KCNT1: variants seen among roughly 807,000 people sequenced by gnomAD.
KCNT1 encodes potassium channel subfamily T member 1.
KCNT1 carries 78 observed loss-of-function variants against 147.8 expected under a neutral mutation model. The ratio of observed to expected loss-of-function variants is 0.53; its 90% CI spans 0.44 to 0.64. The LOEUF is 0.64. KCNT1 is among the 30% of genes least tolerant of loss of function. KCNT1 has a pLI of 0.00. For synonymous variants in KCNT1, 867 were observed against 748.8 expected (o/e 1.16, Z -2.58); for missense variants, 1,419 against 1,750.3 (o/e 0.81, Z 3.38).
rs750766789 is a variant in KCNT1, at chr9:135,752,304, C to T, written c.434+1263C>T. 1.5e-4 allele frequency: 70 copies of T among 453,092 alleles called. No homozygotes were observed. The highest frequency in any genetic ancestry group is 2.5e-4 in the Non-Finnish European group (56 of 225,758). The allele number at this position is 453,092 out of a possible 1,614,324, so 28.1% of individuals were successfully genotyped here. A position where few individuals can be genotyped will look rare whatever the true frequency, so the allele number is the denominator to read the frequency against. ...CAATCCCCCTTTTCACCTGTTACCCCGTCACAAGGGGGCCTGGCATCCCCA... is the reference window on the plus strand; with the variant it reads ...CAATCCCCCTTTTCACCTGTTACCCTGTCACAAGGGGGCCTGGCATCCCCA... On this transcript the variant is annotated intron_variant, in intron 4 of 30. Coordinates refer to ENST00000371757, the MANE Select transcript of KCNT1 (RefSeq NM_020822.3). This position sits in a 1 kb window ranked among gnomAD's most constrained non-coding sequence, Gnocchi z 5.1.
chr9:135,778,915 C>A, intron 23 of KCNT1, 93 bp downstream of exon 23: 1 of 1,462,184 alleles, frequency 6.8e-7, no homozygotes, highest in Non-Finnish European at 9.2e-7. Flanking sequence ...GACCACGGGC[C>A]CTCGCCCTGA....
chr9:135,705,571 G>A (rs1056412710), intron 1 of KCNT1, among the ~76,000 whole-genome samples: 2 of 152,354 alleles, frequency 1.3e-5, no homozygotes, highest in East Asian at 3.9e-4. Context: ...TGGGCTCAGC[G>A]TGCCCGTGCT....
Position 135,772,884 on chromosome 9 carries a change from C to A in KCNT1, c.2178C>A (p.Asp726Glu). Residue 726 changes from aspartate (D) to glutamate (E), a missense_variant, in exon 19 of 31, where the codon GAC becomes GAA. Around this residue, in one of 5 missense-constraint regions of KCNT1, gnomAD observed 284 missense variants for 292.8 expected, o/e 0.97. Coordinates refer to ENST00000371757, the MANE Select transcript of KCNT1 (RefSeq NM_020822.3). ...LADSSALLPC[D>E]LLSDQSEDEV... is the part of the protein sequence containing the mutation. Reference sequence around the variant, plus strand: ...ACAGCTCAGCCCTGCTGCCCTGCGACCTGCTGAGCGACCAGTCGGAGGATG... The same window carrying A: ...ACAGCTCAGCCCTGCTGCCCTGCGAACTGCTGAGCGACCAGTCGGAGGATG... 1.3e-6 allele frequency: 2 copies of A among 1,561,204 alleles called. No homozygotes were observed. Among genetic ancestry groups the A allele is most frequent in the Middle Eastern group, 1.7e-4 (1 of 5,918 alleles).
At chr9:135,765,232 TC>T in intron 12 of KCNT1, 37 bp downstream of exon 12, 5 of 1,587,046 alleles carry the variant, frequency 3.2e-6, no homozygotes, top group Non-Finnish European at 4.3e-6. Context: ...GACGACTCCC[TC>T]CCGGCCCCTA....
chr9:135,768,244 G>C (rs1367588017), intron 13 of KCNT1, among the ~76,000 whole-genome samples: 8 of 38,656 alleles, frequency 2.1e-4, no homozygotes, highest in Non-Finnish European at 2.9e-4. Context: ...TGCCTGCGGG[G>C]GGGGGGGGGG....
intron 4 of KCNT1, among the ~76,000 whole-genome samples, chr9:135,753,209 C>T (rs1360582953): frequency 6.6e-6 from 1 of 151,932 alleles, no homozygotes; most frequent in Non-Finnish European, 1.5e-5. Flanking sequence ...CTTCTGTGGG[C>T]ACTTAGTTTG....
intron 25 of KCNT1, 65 bp from the exon 26 acceptor site, chr9:135,784,470 T>C: frequency 8.8e-7 from 1 of 1,129,972 alleles, no homozygotes; most frequent in Non-Finnish European, 1.3e-6. Context: ...CGTGCCCGCG[T>C]GCCTCACTGT....
chr9:135,784,488 T>TTCCCCC, intron 25 of KCNT1, 47 bp from the exon 26 acceptor site: 2 of 85,992 alleles, frequency 2.3e-5, no homozygotes, highest in Non-Finnish European at 4.3e-5. Flanking sequence ...TGTGGCTCCC[T>TTCCCCC]CCCTCCCTCC....
At chr9:135,784,649 G>T in intron 26 of KCNT1, 31 bp downstream of exon 26, 2 of 1,611,006 alleles carry the variant, frequency 1.2e-6, no homozygotes, top group South Asian at 2.2e-5. Context: ...TGGGCTGGGG[G>T]CGTGCTGGGC....
intron 2 of KCNT1, among the ~76,000 whole-genome samples, chr9:135,746,450 A>T (rs1420081488): frequency 6.6e-6 from 1 of 152,200 alleles, no homozygotes; most frequent in African/African-American, 2.4e-5. Flanking sequence ...CTAGTCCCAG[A>T]CCAGCAGCCC....
chr9:135,774,964 T>C (rs1409846169), intron 19 of KCNT1, among the ~76,000 whole-genome samples: 2 of 152,104 alleles, frequency 1.3e-5, no homozygotes, highest in South Asian at 2.1e-4. Flanking sequence ...GCCCTGGCCT[T>C]GCAGCCGCTG....
In KCNT1 at chr9:135,786,307, C is replaced by T. The variant is rs376167145; in HGVS notation, c.3288C>T (p.Gly1096=). The T allele has an allele frequency of 2.3e-5, 37 of 1,601,758 alleles. No homozygotes were observed. The African/African-American group carries it at 3.9e-4, about 17-fold the overall frequency. ...GGSSQGRHTG[G]GDPAEHPLLR... ...GCTCCCAGGGCCGCCACACGGGCGGCGGTGACCCCGCAGAGCACCCACTGC... is the reference window on the plus strand; with the variant it reads ...GCTCCCAGGGCCGCCACACGGGCGGTGGTGACCCCGCAGAGCACCCACTGC... The change falls in exon 29 of 31, where the codon GGC becomes GGT. Residue 1096 remains glycine, a synonymous_variant. Coordinates refer to ENST00000371757, the MANE Select transcript of KCNT1 (RefSeq NM_020822.3).
At chr9:135,704,171 A>T (rs1176775097) in intron 1 of KCNT1, among the ~76,000 whole-genome samples, 3 of 152,082 alleles carry the variant, frequency 2.0e-5, no homozygotes, top group Non-Finnish European at 4.4e-5. Flanking sequence ...CATGGGGAGG[A>T]GGGTGCCAGG....
chr9:135,732,750 A>ATCTCTC (rs71505362), intron 2 of KCNT1, among the ~76,000 whole-genome samples: 7,066 of 147,790 alleles, frequency 0.048, 206 homozygotes, highest in Non-Finnish European at 0.061. Context: ...AGTCCAACCT[A>ATCTCTC]TCTCTCTCTC....
intron 2 of KCNT1, among the ~76,000 whole-genome samples, chr9:135,746,801 C>A (rs1830855702): frequency 6.6e-6 from 1 of 151,744 alleles, no homozygotes; most frequent in Non-Finnish European, 1.5e-5. Context: ...GAGCTGGGCA[C>A]CCCCGCCTAG....
At position 135,791,778 on chromosome 9, in the gene KCNT1, C is replaced by T. The variant is rs1001989518; in HGVS notation, c.3503-19C>T. On this transcript the variant is annotated intron_variant, in intron 29 of 30. Transcript: ENST00000371757. ...GCAGGGCTGGGGGGGTGACGTCTGC[C>T]CGGCTGTGTCCTTTGCAGACGAGAT... The T allele has an allele frequency of 6.2e-7, 1 of 1,610,952 alleles. No individual in the cohort carries two copies. Among genetic ancestry groups the T allele is most frequent in the Admixed American group, 1.7e-5 (1 of 59,972 alleles).
chr9:135,723,046 T>A (rs1835986597), intron 2 of KCNT1, among the ~76,000 whole-genome samples: 1 of 152,246 alleles, frequency 6.6e-6, no homozygotes, highest in Non-Finnish European at 1.5e-5. Context: ...GCCTCCTGCA[T>A]GCAGCTTTCC....
At chr9:135,705,896 G>C (rs571395709) in intron 1 of KCNT1, among the ~76,000 whole-genome samples, 1 of 152,250 alleles carries the variant, frequency 6.6e-6, no homozygotes, top group South Asian at 2.1e-4. Context: ...TCCCTAGATC[G>C]GGGGCGGGAG....
intron 29 of KCNT1, chr9:135,788,279 G>T (rs191251692): frequency 1.2e-6 from 1 of 855,978 alleles, no homozygotes; most frequent in Non-Finnish European, 2.0e-6. Context: ...GTGAGAGCAC[G>T]TCCCAGGTGT....
Sources: allele counts gnomAD v4.1 joint callset (sites outside exome capture counted in the v4.1 genomes callset), GRCh38; gene constraint gnomAD v4.1.1; regional missense constraint gnomAD v4.1.1; non-coding constraint Gnocchi (gnomAD v3.1); transcripts MANE v1.5; gene names NCBI Gene and HGNC (gene_info 2026-07-23, HGNC 2026-07-21).